Variants in SETD2 observed in about 807,000 individuals in gnomAD.
SETD2 encodes the protein SET domain containing 2, histone lysine methyltransferase, also known as histone-lysine N-methyltransferase SETD2.
In SETD2, 31 loss-of-function variants were observed where a neutral mutation model predicts 242.1. That is an observed-to-expected ratio of 0.13 (90% CI 0.10 to 0.17). SETD2 has a LOEUF of 0.17. SETD2 is among the 10% of genes least tolerant of loss of function. The probability of loss-of-function intolerance (pLI) is 1.00; values close to 1 mark genes in which losing one functional copy is unlikely to be tolerated. For synonymous variants in SETD2, 1,006 were observed against 1,066.5 expected (o/e 0.94, Z 1.11); for missense variants, 2,481 against 3,046.3 (o/e 0.81, Z 4.37).
At chr3:47,076,092 G>A (rs1398192844) in intron 12 of SETD2, among the ~76,000 whole-genome samples, 4 of 152,100 alleles carry the variant, frequency 2.6e-5, no homozygotes, top group Non-Finnish European at 5.9e-5. Flanking sequence ...CCTTTGATTG[G>A]AAAAGATGTT....
Position 47,124,568 on chromosome 3 carries a change from G to C in SETD2, c.88-20C>G, listed in dbSNP as rs1401536132. 6.6e-7 allele frequency: 1 copy of C among 1,520,622 alleles called. No individual in the cohort carries two copies. Among genetic ancestry groups the C allele is most frequent in the Non-Finnish European group, 8.9e-7 (1 of 1,129,562 alleles). The allele number at this position is 1,520,622 out of a possible 1,614,324, so 94.2% of individuals were successfully genotyped here. Reference sequence around the variant, plus strand: ...CTTTGCCTACAAATGAACAAAATAAGCAATTACTACTACAATAAATAGTTA... The same window carrying C: ...CTTTGCCTACAAATGAACAAAATAACCAATTACTACTACAATAAATAGTTA... On this transcript the variant is annotated intron_variant, in intron 2 of 20. Coordinates refer to ENST00000409792, the MANE Select transcript of SETD2 (RefSeq NM_014159.7).
intron 1 of SETD2, among the ~76,000 whole-genome samples, chr3:47,162,991 A>G (rs2106862825): frequency 6.6e-6 from 1 of 152,336 alleles, no homozygotes; most frequent in Admixed American, 6.5e-5. Flanking sequence ...AGAATCCTCA[A>G]ACGATTCTTG....
At position 47,084,195 on chromosome 3, in the gene SETD2, G is replaced by C. The variant is rs1262610955; in HGVS notation, c.5585C>G (p.Thr1862Ser). ...TGTGTCAGCTTCTGTGCTCAGCTTGGTGGAAGGATCAGGTGTGTTGAGTGG... is the reference window on the plus strand; with the variant it reads ...TGTGTCAGCTTCTGTGCTCAGCTTGCTGGAAGGATCAGGTGTGTTGAGTGG... ...HTPLNTPDPSTKLSTEADTDT... is the reference protein window; with the variant it reads ...HTPLNTPDPSSKLSTEADTDT... The change falls in exon 12 of 21, where the codon ACC becomes AGC. Residue 1862 changes from threonine (T) to serine (S), a missense_variant. Around this residue, in one of 17 missense-constraint regions of SETD2, gnomAD observed 203 missense variants for 222.4 expected, o/e 0.91. Transcript: ENST00000409792. 1 of 1,614,004 alleles carries C rather than the reference G, an allele frequency of 6.2e-7. No individual in the cohort carries two copies. Among genetic ancestry groups the C allele is most frequent in the African/African-American group, 1.3e-5 (1 of 74,900 alleles).
intron 15 of SETD2, among the ~76,000 whole-genome samples, chr3:47,054,253 G>T (rs774612441): frequency 6.6e-6 from 1 of 152,176 alleles, no homozygotes; most frequent in African/African-American, 2.4e-5. Flanking sequence ...TGTGATGCTT[G>T]GCTCTTAGGG....
chr3:47,021,010 T>C (rs1330235395), intron 18 of SETD2, among the ~76,000 whole-genome samples: 4 of 152,154 alleles, frequency 2.6e-5, no homozygotes, highest in Non-Finnish European at 5.9e-5. Context: ...GATTAGGGGG[T>C]AGAGTAAAAA....
Position 47,062,084 on chromosome 3 carries a change from T to C in SETD2, c.6293+79A>G, listed in dbSNP as rs943231447. The C allele has an allele frequency of 3.0e-5, 39 of 1,302,524 alleles. No individual in the cohort carries two copies. In the African/African-American group the frequency reaches 5.6e-4, roughly 19 times the overall value. 80.7% of individuals were successfully genotyped at this position (1,302,524 alleles called of 1,614,324 possible). A position where few individuals can be genotyped will look rare whatever the true frequency, so the allele number is the denominator to read the frequency against. ...TTCCAAAAGCCCTTGATGTTCACAA[T>C]CAGAAGTATATGACTTGGGTACTTT... is the stretch of plus-strand genomic sequence containing the variant. On this transcript the variant is annotated intron_variant, in intron 14 of 20. Coordinates refer to ENST00000409792, the MANE Select transcript of SETD2 (RefSeq NM_014159.7).
rs370480746 is a variant in SETD2 at position 47,121,936 on chromosome 3, G to A, written c.2700C>T (p.Cys900=). The A allele has an allele frequency of 3.4e-5, 55 of 1,613,728 alleles. No individual in the cohort carries two copies. Among genetic ancestry groups the A allele is most frequent in the Admixed American group, 5.0e-5 (3 of 59,984 alleles). The change falls in exon 3 of 21, where the codon TGC becomes TGT. Residue 900 remains cysteine, a synonymous_variant. Coordinates refer to ENST00000409792, the MANE Select transcript of SETD2 (RefSeq NM_014159.7). ...CCAGAACTGGAGATGTGTTCTCTCC[G>A]CATTTCAAGAGAGTTAGACTGTCCA... ...IKVDSLTLLK[C]GENTSPVLDA... is the part of the protein sequence containing the mutation.
chr3:47,056,458 T>C (rs1441363900), intron 15 of SETD2, among the ~76,000 whole-genome samples: 1 of 152,080 alleles, frequency 6.6e-6, no homozygotes, highest in Admixed American at 6.5e-5. Context: ...ACAAAAATAT[T>C]ACCATGATGA....
chr3:47,062,273 T>TGAG lies in SETD2; in HGVS notation c.6182_6183insCTC (p.Arg2061delinsSerSer). 1 of 1,614,124 alleles carries TGAG rather than the reference T, an allele frequency of 6.2e-7. No homozygotes were observed. Among genetic ancestry groups the TGAG allele is most frequent in the Non-Finnish European group, 8.5e-7 (1 of 1,180,006 alleles). ...GAGTTTGCTTGTCTGGGTCTCTCTC[T>TGAG]CTTGACCTATTAGGAGTCTTCGGGG... is the stretch of plus-strand genomic sequence containing the variant. On this transcript the variant is annotated protein_altering_variant, in exon 14 of 21. Transcript: ENST00000409792.
chr3:47,088,271 T>C lies in SETD2; in HGVS notation c.5143-24A>G, dbSNP rs775375463. 2.1e-5 allele frequency: 33 copies of C among 1,574,330 alleles called. 1 individual carries two copies. The East Asian group carries it at 2.9e-4, about 14-fold the overall frequency. ...ACCTACCACAGCAAATAAAAATACC[T>C]TTTTATAAAACAACAACAACAAAAA... On this transcript the variant is annotated intron_variant, in intron 9 of 20. Transcript: ENST00000409792.
At chr3:47,034,408 A>G (rs1472779723) in intron 18 of SETD2, among the ~76,000 whole-genome samples, 1 of 152,218 alleles carries the variant, frequency 6.6e-6, no homozygotes, top group Non-Finnish European at 1.5e-5. Context: ...TTGTGAATTA[A>G]GTGTTAGATT....
intron 1 of SETD2, among the ~76,000 whole-genome samples, chr3:47,137,980 T>C (rs976589302): frequency 6.8e-6 from 1 of 146,426 alleles, no homozygotes; most frequent in Non-Finnish European, 1.5e-5. Context: ...TATCACTTTC[T>C]TTTTTTTTTG....
rs2040104460 is a variant in SETD2, at chr3:47,056,873, G to A, written c.6911C>T (p.Thr2304Ile). ...ATAAGGTGATGTCACACCATAGACT[G>A]TTGGACATGTCTGTCCTTGATAATA... ...TIYYQGQTCP[T>I]VYGVTSPYSQ... is the part of the protein sequence containing the mutation. The change falls in exon 15 of 21, where the codon ACA becomes ATA. Residue 2304 changes from threonine (T) to isoleucine (I), a missense_variant. Around this residue, in one of 17 missense-constraint regions of SETD2, gnomAD observed 235 missense variants for 293.9 expected, o/e 0.80. Coordinates refer to ENST00000409792, the MANE Select transcript of SETD2 (RefSeq NM_014159.7). 6.2e-7 allele frequency: 1 copy of A among 1,613,880 alleles called. No homozygotes were observed. Among genetic ancestry groups the A allele is most frequent in the African/African-American group, 1.3e-5 (1 of 74,936 alleles).
At chr3:47,087,709 G>A (rs2041622901) in intron 10 of SETD2, among the ~76,000 whole-genome samples, 1 of 152,196 alleles carries the variant, frequency 6.6e-6, no homozygotes, top group Non-Finnish European at 1.5e-5. Context: ...GCTCACGCCT[G>A]TAATCCCAGC....
intron 1 of SETD2, among the ~76,000 whole-genome samples, chr3:47,152,113 TTTTG>T (rs1392798824): frequency 6.6e-6 from 1 of 152,198 alleles, no homozygotes; most frequent in Non-Finnish European, 1.5e-5. Context: ...ACAAAAGTTG[TTTTG>T]TTTTTGTTCC....
At chr3:47,120,074 C>A in intron 3 of SETD2, 108 bp downstream of exon 3, 1 of 913,310 alleles carries the variant, frequency 1.1e-6, no homozygotes, top group Non-Finnish European at 1.6e-6. Flanking sequence ...TACTTTATCC[C>A]ACAACTCTTT....
At chr3:47,151,948 G>C (rs1212162947) in intron 1 of SETD2, among the ~76,000 whole-genome samples, 1 of 151,976 alleles carries the variant, frequency 6.6e-6, no homozygotes, top group Non-Finnish European at 1.5e-5. Context: ...ATAATTGGGG[G>C]AACAGTCTTT....
At chr3:47,032,502 G>T (rs934561112) in intron 18 of SETD2, among the ~76,000 whole-genome samples, 2 of 149,872 alleles carry the variant, frequency 1.3e-5, no homozygotes, top group African/African-American at 4.9e-5. Flanking sequence ...AAAAATAAAA[G>T]AAAATAAAGA....
intron 1 of SETD2, chr3:47,157,431 T>C: frequency 2.2e-6 from 1 of 453,592 alleles, no homozygotes; most frequent in South Asian, 1.6e-5. Flanking sequence ...AGAATCTGAC[T>C]ATCCTGACTG....
Sources: allele counts gnomAD v4.1 joint callset (sites outside exome capture counted in the v4.1 genomes callset), GRCh38; gene constraint gnomAD v4.1.1; regional missense constraint gnomAD v4.1.1; transcripts MANE v1.5; gene names NCBI Gene and HGNC (gene_info 2026-07-23, HGNC 2026-07-21).